PLD1: variants seen among roughly 807,000 people sequenced by gnomAD.
PLD1 encodes choline phosphatase 1.
Under a neutral mutation model 137.1 loss-of-function variants are expected in PLD1, and 112 were observed. That is an observed-to-expected ratio of 0.82 (90% CI 0.70 to 0.96). PLD1 has a LOEUF of 0.96. Ranked by LOEUF, PLD1 falls within the 40% of genes least tolerant of loss-of-function variation. The pLI is 0.00. For missense variants in PLD1, 1,321 were observed against 1,342.0 expected, an observed-to-expected ratio of 0.98 and a Z score of 0.24; for synonymous variants, 431 against 454.7, an observed-to-expected ratio of 0.95 and a Z score of 0.66.
At chr3:171,727,733 G>A (rs1403466117) in intron 6 of PLD1, among the ~76,000 whole-genome samples, 1 of 151,946 alleles carries the variant, frequency 6.6e-6, no homozygotes. Context: ...ACAGAGGCAG[G>A]GGCATTTGAT....
intron 1 of PLD1, among the ~76,000 whole-genome samples, chr3:171,738,298 CA>C (rs144666245): frequency 0.018 from 2,470 of 137,920 alleles, 68 homozygotes; most frequent in African/African-American, 0.063. Flanking sequence ...TAATTGAAAA[CA>C]AGAGAAAAAA....
intron 1 of PLD1, among the ~76,000 whole-genome samples, chr3:171,759,036 T>C (rs1721219879): frequency 6.6e-6 from 1 of 152,240 alleles, no homozygotes; most frequent in African/African-American, 2.4e-5. Context: ...TATTACCACC[T>C]TCCTTCACAA....
chr3:171,625,633 G>A (rs1315224490), intron 23 of PLD1, among the ~76,000 whole-genome samples: 1 of 152,164 alleles, frequency 6.6e-6, no homozygotes, highest in Non-Finnish European at 1.5e-5. Context: ...TCACACGGCC[G>A]GGTACTCCTC....
At chr3:171,732,660 C>T (rs1436863488) in intron 6 of PLD1, among the ~76,000 whole-genome samples, 1 of 152,200 alleles carries the variant, frequency 6.6e-6, no homozygotes, top group Non-Finnish European at 1.5e-5. Flanking sequence ...TAGAGTTCTG[C>T]ACATATATAA....
chr3:171,629,208 T>C (rs1330379416), intron 23 of PLD1, among the ~76,000 whole-genome samples: 2 of 152,072 alleles, frequency 1.3e-5, no homozygotes, highest in Non-Finnish European at 1.5e-5. Context: ...AGCATTCTTA[T>C]ACACCAATAA....
At chr3:171,746,862 G>A (rs1458555772) in intron 1 of PLD1, among the ~76,000 whole-genome samples, 2 of 152,208 alleles carry the variant, frequency 1.3e-5, no homozygotes, top group East Asian at 1.9e-4. Context: ...CTGGCAACCA[G>A]CTGGGGCCCC....
intron 1 of PLD1, among the ~76,000 whole-genome samples, chr3:171,802,157 A>T (rs1723674605): frequency 6.6e-6 from 1 of 152,240 alleles, no homozygotes; most frequent in Non-Finnish European, 1.5e-5. Context: ...TTATATAACA[A>T]CTTGGAAAGG....
intron 1 of PLD1, among the ~76,000 whole-genome samples, chr3:171,763,123 T>A (rs2108310893): frequency 6.6e-6 from 1 of 152,260 alleles, no homozygotes; most frequent in East Asian, 1.9e-4. Context: ...CAAAGTCTCA[T>A]GCCCCAGTGT....
intron 22 of PLD1, among the ~76,000 whole-genome samples, chr3:171,643,512 C>T (rs183465099): frequency 1.6e-4 from 25 of 151,818 alleles, no homozygotes; most frequent in Admixed American, 1.2e-3. Context: ...CTGAGAAATG[C>T]TATTATTAAA....
intron 23 of PLD1, among the ~76,000 whole-genome samples, chr3:171,620,763 TATATATTA>T (rs1167933649): frequency 7.5e-6 from 1 of 134,054 alleles, no homozygotes; most frequent in Non-Finnish European, 1.5e-5. Context: ...TATATATATA[TATATATTA>T]TATATATTTT....
chr3:171,688,125 C>T (rs938516538), intron 14 of PLD1, among the ~76,000 whole-genome samples: 3 of 151,846 alleles, frequency 2.0e-5, no homozygotes, highest in African/African-American at 7.3e-5. Flanking sequence ...CATATTCTGG[C>T]AGCCATTTAG....
intron 19 of PLD1, among the ~76,000 whole-genome samples, chr3:171,671,042 A>G (rs762738375): frequency 4.6e-5 from 7 of 152,214 alleles, no homozygotes; most frequent in Admixed American, 6.5e-5. Context: ...CATACCAAAC[A>G]TAAGTCTTTC....
At chr3:171,697,678 C>T (rs533926488) in intron 12 of PLD1, among the ~76,000 whole-genome samples, 158 of 152,318 alleles carry the variant, frequency 1.0e-3, no homozygotes, top group African/African-American at 3.6e-3. Context: ...ACATCTACTA[C>T]ACCTAGAAAG....
At chr3:171,691,336 T>A (rs904878507) in intron 13 of PLD1, among the ~76,000 whole-genome samples, 1 of 152,224 alleles carries the variant, frequency 6.6e-6, no homozygotes, top group South Asian at 2.1e-4. Context: ...GATACTTCTG[T>A]AATTTTGCTA....
intron 6 of PLD1, 43 bp from the exon 7 acceptor site, chr3:171,726,119 T>C: frequency 7.5e-7 from 1 of 1,331,028 alleles, no homozygotes; most frequent in Admixed American, 1.7e-5. Context: ...GCAAAACAAT[T>C]CAAATTTATG....
intron 1 of PLD1, among the ~76,000 whole-genome samples, chr3:171,771,554 C>G (rs1722352818): frequency 6.6e-6 from 1 of 152,216 alleles, no homozygotes; most frequent in African/African-American, 2.4e-5. Context: ...AACCATAACA[C>G]AAACTTAAAC....
intron 1 of PLD1, among the ~76,000 whole-genome samples, chr3:171,794,673 T>G (rs184890268): frequency 3.3e-5 from 3 of 92,284 alleles, no homozygotes; most frequent in Admixed American, 1.4e-4. Context: ...TGAGGAAATA[T>G]TCCTCTAGTA....
At chr3:171,620,589 T>C (rs1733508806) in intron 23 of PLD1, 69 bp from the exon 24 acceptor site, 1 of 931,400 alleles carries the variant, frequency 1.1e-6, no homozygotes, top group Non-Finnish European at 1.7e-6. Flanking sequence ...TAAATCTTAT[T>C]GTTTCTCAAA....
intron 19 of PLD1, among the ~76,000 whole-genome samples, chr3:171,663,677 A>G (rs1711769757): frequency 6.6e-6 from 1 of 152,334 alleles, no homozygotes; most frequent in South Asian, 2.1e-4. Context: ...CTTTTTTCCA[A>G]CATTCTAACT....
Sources: allele counts gnomAD v4.1 joint callset (sites outside exome capture counted in the v4.1 genomes callset), GRCh38; gene constraint gnomAD v4.1.1; transcripts MANE v1.5; gene names NCBI Gene and HGNC (gene_info 2026-07-23, HGNC 2026-07-21).